The following CNTN6 variants were observed in gnomAD, a reference collection of about 807,000 sequenced individuals.
CNTN6 encodes the protein contactin 6.
A neutral mutation model predicts 122.8 loss-of-function variants in CNTN6; 137 were observed. That is an observed-to-expected ratio of 1.12 (90% confidence interval 0.97 to 1.29). The LOEUF is 1.29. Ranked by LOEUF, CNTN6 falls within the 50% of genes most tolerant of loss-of-function variation. The probability of loss-of-function intolerance (pLI) is 0.00; values close to 1 mark genes in which losing one functional copy is unlikely to be tolerated. For missense variants in CNTN6, 1,634 were observed against 1,223.4 expected, an observed-to-expected ratio of 1.34 and a Z score of -5.01; for synonymous variants, 570 against 426.0, an observed-to-expected ratio of 1.34 and a Z score of -4.16.
At chr3:1,170,236 C>A (rs1210668885) in intron 2 of CNTN6, among the ~76,000 whole-genome samples, 13 of 107,462 alleles carry the variant, frequency 1.2e-4, no homozygotes, top group South Asian at 3.0e-4. Flanking sequence ...GGCTCCATCT[C>A]AAAAAAAAAA....
intron 1 of CNTN6, among the ~76,000 whole-genome samples, chr3:1,139,630 C>A (rs1009808295): frequency 1.3e-5 from 2 of 152,046 alleles, no homozygotes; most frequent in African/African-American, 4.8e-5. Flanking sequence ...TTTAATTGAA[C>A]AATGAACAAT....
At chr3:1,211,628 C>T (rs1195317910) in intron 2 of CNTN6, among the ~76,000 whole-genome samples, 1 of 152,112 alleles carries the variant, frequency 6.6e-6, no homozygotes, top group Non-Finnish European at 1.5e-5. Context: ...CTCATTCTCT[C>T]CATCATTCTG....
At chr3:1,283,110 C>G (rs1342292608) in intron 5 of CNTN6, among the ~76,000 whole-genome samples, 1 of 152,002 alleles carries the variant, frequency 6.6e-6, no homozygotes, top group South Asian at 2.1e-4. Context: ...GTAGCTGGGA[C>G]TACAGGTGCA....
Position 1,372,862 on chromosome 3 carries a change from AG to A in CNTN6, c.1695del (p.Asn566IlefsTer18). The stretch of plus-strand genomic sequence containing the variant: ...GGAATCTGTTGGGGATTTGATGATA[AG>A]GAATATTCAGTTACATCATTCAGGA... ...GGESVGDLMI[R>X]NIQLHHSGKY... On this transcript the variant is annotated frameshift_variant, in exon 14 of 23. Transcript: ENST00000446702. LOFTEE classifies it high-confidence loss of function. 2 of 1,605,466 alleles carry A rather than the reference AG, an allele frequency of 1.2e-6. No individual in the cohort carries two copies. Among genetic ancestry groups the A allele is most frequent in the Non-Finnish European group, 1.7e-6 (2 of 1,174,874 alleles).
chr3:1,138,227 C>T (rs2092528549), intron 1 of CNTN6, among the ~76,000 whole-genome samples: 1 of 152,220 alleles, frequency 6.6e-6, no homozygotes, highest in South Asian at 2.1e-4. Context: ...TAGCACCTCC[C>T]TGGTTTTGGC....
At chr3:1,309,568 C>G (rs948582183) in intron 7 of CNTN6, among the ~76,000 whole-genome samples, 5 of 152,148 alleles carry the variant, frequency 3.3e-5, no homozygotes, top group African/African-American at 9.7e-5. Flanking sequence ...AGTACTCCAA[C>G]TTTATTCTTC....
intron 5 of CNTN6, among the ~76,000 whole-genome samples, chr3:1,294,696 A>T (rs1695908432): frequency 6.6e-6 from 1 of 151,928 alleles, no homozygotes; most frequent in African/African-American, 2.4e-5. Context: ...ATGCTTGTCG[A>T]CTCCTCCGTC....
intron 4 of CNTN6, among the ~76,000 whole-genome samples, chr3:1,235,618 TGG>T (rs2094411121): frequency 1.3e-5 from 2 of 152,276 alleles, no homozygotes; most frequent in Admixed American, 6.5e-5. Context: ...CAGCTCCTGC[TGG>T]GAGGGATAGA....
Position 1,372,871 on chromosome 3 carries a change from C to G in CNTN6, c.1702C>G (p.Gln568Glu), listed in dbSNP as rs1304944664. The change falls in exon 14 of 23, where the codon CAG becomes GAG. Residue 568 changes from glutamine to glutamate, a missense_variant. Gln to Glu is a conservative substitution (Grantham distance 29). Coordinates refer to ENST00000446702, the MANE Select transcript of CNTN6 (RefSeq NM_001289080.2). Reference sequence around the variant, plus strand: ...TGGGGATTTGATGATAAGGAATATTCAGTTACATCATTCAGGAAAATATCT... The same window carrying G: ...TGGGGATTTGATGATAAGGAATATTGAGTTACATCATTCAGGAAAATATCT... ...SVGDLMIRNI[Q>E]LHHSGKYLCT... 3 of 1,608,274 alleles carry G rather than the reference C, an allele frequency of 1.9e-6. No individual in the cohort carries two copies. In the African/African-American group the frequency reaches 4.0e-5, roughly 22 times the overall value.
At chr3:1,399,697 G>C (rs1184190779) in intron 20 of CNTN6, among the ~76,000 whole-genome samples, 1 of 152,014 alleles carries the variant, frequency 6.6e-6, no homozygotes, top group Non-Finnish European at 1.5e-5. Context: ...ACAGGGCCCT[G>C]AACAGTTTTC....
chr3:1,221,793 A>G (rs2094211193), intron 3 of CNTN6, among the ~76,000 whole-genome samples: 1 of 152,202 alleles, frequency 6.6e-6, no homozygotes, highest in Non-Finnish European at 1.5e-5. Flanking sequence ...AAGAAAATAC[A>G]TATTAAACTT....
intron 17 of CNTN6, among the ~76,000 whole-genome samples, chr3:1,377,879 T>G (rs155384): frequency 0.31 from 47,731 of 152,002 alleles, 8,406 homozygotes; most frequent in African/African-American, 0.47. Flanking sequence ...TGTGCTCTAG[T>G]TATGGCAAAT....
chr3:1,279,223 G>A (rs1291902491), intron 5 of CNTN6, among the ~76,000 whole-genome samples: 1 of 152,136 alleles, frequency 6.6e-6, no homozygotes, highest in Non-Finnish European at 1.5e-5. Flanking sequence ...CCGTTGTCAG[G>A]GATCCAAACT....
At chr3:1,202,553 AATAAATAAATAAATAAAT>A (rs2093898630) in intron 2 of CNTN6, among the ~76,000 whole-genome samples, 1 of 35,798 alleles carries the variant, frequency 2.8e-5, no homozygotes, top group Non-Finnish European at 5.1e-5. Context: ...AAAATAAATA[AATAAATAAATAAATAAAT>A]AAATAAATAA....
At chr3:1,191,007 G>A (rs1330884906) in intron 2 of CNTN6, among the ~76,000 whole-genome samples, 4 of 152,132 alleles carry the variant, frequency 2.6e-5, no homozygotes, top group Admixed American at 6.6e-5. Flanking sequence ...GTATTGACAT[G>A]TACTTTCAGC....
intron 2 of CNTN6, among the ~76,000 whole-genome samples, chr3:1,216,734 G>T (rs540535973): frequency 1.3e-5 from 2 of 152,252 alleles, no homozygotes; most frequent in African/African-American, 4.8e-5. Flanking sequence ...ACTGAGGAAA[G>T]GTGCCTAAAT....
chr3:1,134,561 A>C (rs528461819), intron 1 of CNTN6, among the ~76,000 whole-genome samples: 1 of 152,256 alleles, frequency 6.6e-6, no homozygotes, highest in South Asian at 2.1e-4. Flanking sequence ...GTTTTGTCCC[A>C]AGTCACCTAC....
rs1182080788 is a variant in CNTN6 at position 1,385,910 on chromosome 3, G to C, written c.2704+113G>C. The C allele has an allele frequency of 4.8e-6, 5 of 1,047,246 alleles. No individual in the cohort carries two copies. In the Admixed American group the frequency reaches 1.4e-4, roughly 30 times the overall value. The allele number at this position is 1,047,246 out of a possible 1,614,324, so 64.9% of individuals were successfully genotyped here. A position where few individuals can be genotyped will look rare whatever the true frequency, so the allele number is the denominator to read the frequency against. Reference sequence around the variant, plus strand: ...CATTTCTTTACTAATTGGTTACTTTGGTTAGTTGGTTTGTCCCTTAAATAT... The same window carrying C: ...CATTTCTTTACTAATTGGTTACTTTCGTTAGTTGGTTTGTCCCTTAAATAT... On this transcript the variant is annotated intron_variant, in intron 20 of 22. Coordinates refer to ENST00000446702, the MANE Select transcript of CNTN6 (RefSeq NM_001289080.2).
At chr3:1,145,338 T>A (rs1239538157) in intron 1 of CNTN6, among the ~76,000 whole-genome samples, 1 of 152,134 alleles carries the variant, frequency 6.6e-6, no homozygotes, top group East Asian at 1.9e-4. Flanking sequence ...AAGAAATAGA[T>A]AACTGATTGA....
Sources: gnomAD v4.1 joint callset for allele counts (sites outside exome capture counted in the v4.1 genomes callset) on GRCh38, gnomAD v4.1.1 for gene constraint, MANE v1.5 for transcripts, NCBI Gene and HGNC (gene_info 2026-07-23, HGNC 2026-07-21) for gene names.